The following GPD2 variants were observed in gnomAD, a reference collection of about 807,000 sequenced individuals.
The protein encoded by GPD2 is glycerol-3-phosphate dehydrogenase, mitochondrial.
Under a neutral mutation model 82.4 loss-of-function variants are expected in GPD2, and 54 were observed. The ratio of observed to expected loss-of-function variants is 0.66; its 90% CI spans 0.53 to 0.82. The LOEUF is 0.82. Among genes scored for constraint, GPD2 ranks in the 40% least tolerant of loss-of-function variants. The pLI, the probability that GPD2 is intolerant of heterozygous loss-of-function variation, is 0.00. For synonymous variants in GPD2, 288 were observed against 306.1 expected (o/e 0.94, Z 0.62); for missense variants, 748 against 896.2 (o/e 0.83, Z 2.11).
At chr2:156,446,981 C>T (rs549941644) in intron 1 of GPD2, among the ~76,000 whole-genome samples, 5 of 152,214 alleles carry the variant, frequency 3.3e-5, no homozygotes, top group South Asian at 4.1e-4. Flanking sequence ...GGTGGTTATC[C>T]GAAGTTGATG....
intron 2 of GPD2, among the ~76,000 whole-genome samples, chr2:156,482,438 A>G (rs1227244220): frequency 6.6e-6 from 1 of 152,146 alleles, no homozygotes; most frequent in Non-Finnish European, 1.5e-5. Flanking sequence ...TATAACTGAT[A>G]TGTTGCTAAA....
rs984030950 is a variant in GPD2 at position 156,496,715 on chromosome 2, G to GT, written c.274+508dup. ...TTTATGAGTTTATTAATTTGTTCTG[G>GT]TTTTTTTTAAAGCACATATTTATAT... On this transcript the variant is annotated intron_variant, in intron 3 of 16. Transcript: ENST00000438166. 4.6e-5 allele frequency among the ~76,000 whole-genome samples: 7 copies of GT among 151,210 alleles called. No homozygotes were observed. In the East Asian group the frequency reaches 1.4e-3, roughly 29 times the overall value.
At chr2:156,446,135 TGCCCAG>T (rs1478865703) in intron 1 of GPD2, among the ~76,000 whole-genome samples, 3 of 152,228 alleles carry the variant, frequency 2.0e-5, no homozygotes, top group Non-Finnish European at 4.4e-5. Context: ...CTCGCTCTGT[TGCCCAG>T]GTTGAGTGCA....
intron 7 of GPD2, 72 bp from the exon 8 acceptor site, chr2:156,550,530 A>G (rs1222619287): frequency 2.2e-5 from 31 of 1,438,074 alleles, no homozygotes; most frequent in Non-Finnish European, 9.8e-7. Context: ...TTAATAGATG[A>G]ATTAGTAATA....
chr2:156,450,686 G>GAT (rs1682524775), intron 1 of GPD2, among the ~76,000 whole-genome samples: 10 of 7,456 alleles, frequency 1.3e-3, no homozygotes, highest in Non-Finnish European at 2.7e-3. Flanking sequence ...TTTTTTTATT[G>GAT]CTCATTCTTG....
chr2:156,516,952 T>A (rs1428602967), intron 6 of GPD2, among the ~76,000 whole-genome samples: 1 of 152,214 alleles, frequency 6.6e-6, no homozygotes, highest in African/African-American at 2.4e-5. Context: ...GTTAGGGCTG[T>A]AAGAGGTTTC....
chr2:156,477,164 C>G (rs1683543106), intron 2 of GPD2, among the ~76,000 whole-genome samples: 1 of 152,212 alleles, frequency 6.6e-6, no homozygotes, highest in Non-Finnish European at 1.5e-5. Flanking sequence ...GGTTCACTGA[C>G]TCAAACCTGT....
intron 2 of GPD2, among the ~76,000 whole-genome samples, chr2:156,491,029 A>C (rs1175706555): frequency 6.6e-6 from 1 of 152,048 alleles, no homozygotes; most frequent in East Asian, 1.9e-4. Context: ...ACAGTTATGT[A>C]ATGAGCACTG....
chr2:156,441,306 C>G (rs1299794577), intron 1 of GPD2, among the ~76,000 whole-genome samples: 3 of 152,166 alleles, frequency 2.0e-5, no homozygotes, highest in Non-Finnish European at 4.4e-5. Context: ...AAGCCCAGTA[C>G]TTTGGGAGGC....
At chr2:156,445,769 T>C (rs1216645193) in intron 1 of GPD2, among the ~76,000 whole-genome samples, 1 of 152,242 alleles carries the variant, frequency 6.6e-6, no homozygotes, top group Non-Finnish European at 1.5e-5. Flanking sequence ...CCTTTTTCTA[T>C]TTCTTGCTGT....
At chr2:156,496,637 T>C (rs1012670576) in intron 3 of GPD2, among the ~76,000 whole-genome samples, 1 of 151,122 alleles carries the variant, frequency 6.6e-6, no homozygotes, top group Non-Finnish European at 1.5e-5. Context: ...ATATAACTCA[T>C]TTCACTTCAA....
At chr2:156,568,990 CTT>C (rs36082652) in intron 10 of GPD2, 31 bp downstream of exon 10, 12,490 of 1,223,570 alleles carry the variant, frequency 0.01, no homozygotes, top group Non-Finnish European at 0.011. Context: ...ATTTTCTTTT[CTT>C]TTTTTTTTTT....
Position 156,585,971 on chromosome 2 carries a change from A to G in GPD2, c.*3053A>G, listed in dbSNP as rs1688202889. 1 of 152,264 alleles carries G rather than the reference A, an allele frequency of 6.6e-6. No homozygotes were observed. The highest frequency in any genetic ancestry group is 1.5e-5 in the Non-Finnish European group (1 of 67,908). The allele number at this position is 152,264 out of a possible 1,614,324, so 9.4% of individuals were successfully genotyped here. A position where few individuals can be genotyped will look rare whatever the true frequency, so the allele number is the denominator to read the frequency against. Reference sequence around the variant, plus strand: ...GTTCTAGACTGGACTGTTAAATACTATGTTTGAGGCTGGGTTGTCATTTTT... The same window carrying G: ...GTTCTAGACTGGACTGTTAAATACTGTGTTTGAGGCTGGGTTGTCATTTTT... On this transcript the variant is annotated 3_prime_UTR_variant, in exon 17 of 17. Transcript: ENST00000438166.
the GPD2 span, among the ~76,000 whole-genome samples, chr2:156,407,996 C>G: frequency 7.0e-6 from 1 of 143,308 alleles, no homozygotes; most frequent in Non-Finnish European, 1.5e-5. Flanking sequence ...GCTCTGTCAC[C>G]CAGGCTAGAG....
chr2:156,435,124 G>A (rs1238512480), upstream of GPD2, among the ~76,000 whole-genome samples: 1 of 152,050 alleles, frequency 6.6e-6, no homozygotes, highest in Admixed American at 6.6e-5. Flanking sequence ...ATTCCTCTGG[G>A]TCAACTACAG....
intron 2 of GPD2, among the ~76,000 whole-genome samples, chr2:156,477,222 G>A (rs1683544982): frequency 6.6e-6 from 1 of 152,158 alleles, no homozygotes; most frequent in South Asian, 2.1e-4. Flanking sequence ...CTTGAGCCCA[G>A]AAGTTTGAGA....
intron 5 of GPD2, 44 bp downstream of exon 5, chr2:156,512,361 T>G: frequency 1.1e-6 from 1 of 897,082 alleles, no homozygotes; most frequent in Non-Finnish European, 1.9e-6. Context: ...TTCTCTGCGG[T>G]CAATAGAACA....
At chr2:156,444,302 C>T (rs1238292619) in intron 1 of GPD2, among the ~76,000 whole-genome samples, 1 of 152,174 alleles carries the variant, frequency 6.6e-6, no homozygotes, top group Non-Finnish European at 1.5e-5. Context: ...CAGGATTATG[C>T]TCATAGGACC....
intron 2 of GPD2, chr2:156,495,780 G>A (rs1340095377): frequency 1.5e-5 from 7 of 455,406 alleles, no homozygotes; most frequent in Middle Eastern, 3.6e-4. Context: ...ATTGAACTTG[G>A]CTGTATATGA....
Sources: allele counts gnomAD v4.1 joint callset (sites outside exome capture counted in the v4.1 genomes callset), GRCh38; gene constraint gnomAD v4.1.1; transcripts MANE v1.5; gene names NCBI Gene and HGNC (gene_info 2026-07-23, HGNC 2026-07-21).